PRDM5: variants seen among roughly 807,000 people sequenced by gnomAD.
PRDM5 encodes the protein PR/SET domain 5.
PRDM5 carries 56 observed loss-of-function variants against 81.2 expected under a neutral mutation model. That is an observed-to-expected ratio of 0.69 (90% confidence interval 0.56 to 0.86). PRDM5 has a LOEUF of 0.86. PRDM5 is among the 40% of genes least tolerant of loss of function. PRDM5 has a pLI of 0.00. For missense variants in PRDM5, 697 were observed against 770.1 expected, an observed-to-expected ratio of 0.91 and a Z score of 1.12; for synonymous variants, 267 against 256.4, an observed-to-expected ratio of 1.04 and a Z score of -0.39.
At chr4:120,760,509 T>C (rs749345048) in intron 13 of PRDM5, among the ~76,000 whole-genome samples, 1 of 152,154 alleles carries the variant, frequency 6.6e-6, no homozygotes, top group African/African-American at 2.4e-5. Flanking sequence ...TAAATAATAA[T>C]ATTTACATAT....
At chr4:120,822,500 G>A (rs1357421135) in intron 3 of PRDM5, among the ~76,000 whole-genome samples, 1 of 152,162 alleles carries the variant, frequency 6.6e-6, no homozygotes, top group East Asian at 1.9e-4. Context: ...AGATGTGAGA[G>A]GGGAAGGAAT....
intron 2 of PRDM5, among the ~76,000 whole-genome samples, chr4:120,874,086 T>C (rs1460110693): frequency 1.3e-5 from 2 of 152,150 alleles, no homozygotes; most frequent in Admixed American, 1.3e-4. Flanking sequence ...CCTCAAACAT[T>C]TATCTGATAT....
chr4:120,685,644 CTG>C (rs56731946), intron 1 of PRDM5, among the ~76,000 whole-genome samples: 3,063 of 152,136 alleles, frequency 0.02, 73 homozygotes, highest in Middle Eastern at 0.065. Flanking sequence ...TGAACTCGAA[CTG>C]TGTCAGGCAT....
At chr4:120,816,964 A>G (rs1373852405) in intron 5 of PRDM5, 40 bp from the exon 6 acceptor site, 1 of 1,485,726 alleles carries the variant, frequency 6.7e-7, no homozygotes, top group Middle Eastern at 1.7e-4. Flanking sequence ...AAGAAAACAA[A>G]AACTGGAACT....
intron 14 of PRDM5, among the ~76,000 whole-genome samples, chr4:120,715,152 A>G (rs1325318765): frequency 6.6e-6 from 1 of 152,122 alleles, no homozygotes; most frequent in Non-Finnish European, 1.5e-5. Context: ...AAGTCTTGAG[A>G]TTACCCTACA....
At chr4:120,709,201 A>G (rs909584807) in intron 15 of PRDM5, among the ~76,000 whole-genome samples, 3 of 152,172 alleles carry the variant, frequency 2.0e-5, no homozygotes, top group African/African-American at 7.2e-5. Context: ...GCTGTATATC[A>G]GCTACTTGTG....
chr4:120,802,024 T>C (rs972709567), intron 8 of PRDM5, among the ~76,000 whole-genome samples: 5 of 152,316 alleles, frequency 3.3e-5, no homozygotes, highest in Admixed American at 3.3e-4. Context: ...CATCCACATA[T>C]AAAATGGAAA....
At chr4:120,719,151 C>T (rs916634451) in intron 14 of PRDM5, among the ~76,000 whole-genome samples, 4 of 152,140 alleles carry the variant, frequency 2.6e-5, no homozygotes, top group African/African-American at 9.7e-5. Context: ...CCTGTGCACC[C>T]ACTAGATGTC....
At chr4:120,726,767 G>A (rs1330766540) in intron 14 of PRDM5, among the ~76,000 whole-genome samples, 1 of 152,166 alleles carries the variant, frequency 6.6e-6, no homozygotes, top group Non-Finnish European at 1.5e-5. Context: ...CTGGGCACTT[G>A]AAGACACAAA....
intron 2 of PRDM5, chr4:120,896,944 A>G (rs1339857901): frequency 6.6e-6 from 1 of 150,614 alleles, no homozygotes; most frequent in African/African-American, 2.4e-5. Context: ...CAGCCTCCCA[A>G]AGTTCTGGGA....
intron 1 of PRDM5, among the ~76,000 whole-genome samples, chr4:120,917,927 T>C (rs1579240404): frequency 6.6e-6 from 1 of 152,202 alleles, no homozygotes; most frequent in East Asian, 1.9e-4. Context: ...CACTTATGAC[T>C]GATGTAACCT....
intron 2 of PRDM5, among the ~76,000 whole-genome samples, chr4:120,903,507 ATTCTAAAAGTGTTGTTC>A: frequency 6.6e-6 from 1 of 152,324 alleles, no homozygotes; most frequent in East Asian, 1.9e-4. Flanking sequence ...TAACTCTGCA[ATTCTAAAAGTGTTGTTC>A]TTGAAATGTT....
chr4:120,695,066 A>AT lies in PRDM5; in HGVS notation c.*44dup. On this transcript the variant is annotated 3_prime_UTR_variant, in exon 16 of 16. Coordinates refer to ENST00000264808, the MANE Select transcript of PRDM5 (RefSeq NM_018699.4). ...ATCAGGTGATAAAAATCTGGGATTC[A>AT]TATTAGGAGCCCTTCTGAATAGTTT... The AT allele has an allele frequency of 1.9e-6, 3 of 1,585,014 alleles. No homozygotes were observed. The highest frequency in any genetic ancestry group is 2.6e-6 in the Non-Finnish European group (3 of 1,154,292).
intron 14 of PRDM5, among the ~76,000 whole-genome samples, chr4:120,753,864 A>G (rs1020601510): frequency 2.0e-5 from 3 of 152,214 alleles, no homozygotes; most frequent in African/African-American, 7.2e-5. Flanking sequence ...GTTCATTTAA[A>G]GTGTCTAATT....
In PRDM5 at chr4:120,806,871, C is replaced by T. The variant is rs545672725; in HGVS notation, c.945+4499G>A. 1.3e-3 allele frequency among the ~76,000 whole-genome samples: 200 copies of T among 152,272 alleles called. 1 individual carries two copies. Among genetic ancestry groups the T allele is most frequent in the African/African-American group, 4.5e-3 (185 of 41,548 alleles). On this transcript the variant is annotated intron_variant, in intron 8 of 15. Coordinates refer to ENST00000264808, the MANE Select transcript of PRDM5 (RefSeq NM_018699.4). Reference sequence around the variant, plus strand: ...AATGGGATCTAATTAAACTAAAGAGCTTCTGCACAGCAAAAGAAACTACCA... The same window carrying T: ...AATGGGATCTAATTAAACTAAAGAGTTTCTGCACAGCAAAAGAAACTACCA...
chr4:120,821,794 A>G (rs1447909808), intron 3 of PRDM5, among the ~76,000 whole-genome samples: 1 of 152,152 alleles, frequency 6.6e-6, no homozygotes, highest in African/African-American at 2.4e-5. Context: ...GGAAGTGCAA[A>G]TAAGTTCGTC....
chr4:120,848,085 A>G (rs1758856910), intron 3 of PRDM5, among the ~76,000 whole-genome samples: 1 of 152,196 alleles, frequency 6.6e-6, no homozygotes. Context: ...AAAATGAGGC[A>G]AGAGGAGACA....
At chr4:120,781,559 T>G (rs1316402698) in intron 11 of PRDM5, among the ~76,000 whole-genome samples, 1 of 152,134 alleles carries the variant, frequency 6.6e-6, no homozygotes, top group Admixed American at 6.5e-5. Flanking sequence ...ATTCTCAAAG[T>G]TACCATGAAC....
chr4:120,814,219 C>G (rs1300013611), intron 7 of PRDM5, among the ~76,000 whole-genome samples: 1 of 152,122 alleles, frequency 6.6e-6, no homozygotes, highest in Non-Finnish European at 1.5e-5. Flanking sequence ...ACTCTGTTCC[C>G]TCTTAAGTAA....
Sources: allele counts gnomAD v4.1 joint callset (sites outside exome capture counted in the v4.1 genomes callset), GRCh38; gene constraint gnomAD v4.1.1; transcripts MANE v1.5; gene names NCBI Gene and HGNC (gene_info 2026-07-23, HGNC 2026-07-21).